CLDN10: variants seen among roughly 807,000 people sequenced by gnomAD.
The protein encoded by CLDN10 is claudin-10.
CLDN10 carries 15 observed loss-of-function variants against 22.9 expected under a neutral mutation model. The ratio of observed to expected loss-of-function variants is 0.65; its 90% CI spans 0.44 to 1.01. The LOEUF is 1.01. Among genes scored for constraint, CLDN10 ranks in the 50% least tolerant of loss-of-function variants. CLDN10 has a pLI of 0.00. For missense variants in CLDN10, 247 were observed against 287.8 expected, an observed-to-expected ratio of 0.86 and a Z score of 1.03; for synonymous variants, 114 against 111.4, an observed-to-expected ratio of 1.02 and a Z score of -0.15.
intron 1 of CLDN10, among the ~76,000 whole-genome samples, chr13:95,444,358 AG>A (rs2042352314): frequency 6.6e-6 from 1 of 152,230 alleles, no homozygotes; most frequent in Non-Finnish European, 1.5e-5. Context: ...AGCTTTTGCC[AG>A]ATTTTTGTGT....
chr13:95,470,841 A>G (rs1418276668), intron 1 of CLDN10, among the ~76,000 whole-genome samples: 1 of 152,180 alleles, frequency 6.6e-6, no homozygotes, highest in Non-Finnish European at 1.5e-5. Context: ...GTGAAAGAGA[A>G]GCAAGTGGAC....
At chr13:95,547,690 CTG>C in intron 1 of CLDN10, among the ~76,000 whole-genome samples, 1 of 152,278 alleles carries the variant, frequency 6.6e-6, no homozygotes, top group Non-Finnish European at 1.5e-5. Flanking sequence ...TCACATCTTT[CTG>C]ATTACATCAT....
chr13:95,479,008 A>C (rs17189726), intron 1 of CLDN10, among the ~76,000 whole-genome samples: 34,180 of 152,148 alleles, frequency 0.22, 4,197 homozygotes, highest in Non-Finnish European at 0.29. Context: ...TGCCTGTGAG[A>C]GCAATCATCA....
chr13:95,541,506 T>C (rs1048519300), intron 1 of CLDN10, among the ~76,000 whole-genome samples: 1 of 152,248 alleles, frequency 6.6e-6, no homozygotes, highest in African/African-American at 2.4e-5. Context: ...CTAGTTTTTT[T>C]CTGTTTCCCC....
chr13:95,464,461 A>G (rs2139093506), intron 1 of CLDN10, among the ~76,000 whole-genome samples: 1 of 152,280 alleles, frequency 6.6e-6, no homozygotes, highest in African/African-American at 2.4e-5. Context: ...ATAGTATTCC[A>G]TGGTGTATAT....
intron 1 of CLDN10, among the ~76,000 whole-genome samples, chr13:95,486,642 T>A (rs537597470): frequency 7.7e-4 from 117 of 152,262 alleles, no homozygotes; most frequent in African/African-American, 2.7e-3. Context: ...TCCCCTGGAA[T>A]TGGTAACCAG....
At chr13:95,524,515 C>G (rs970803412) in intron 1 of CLDN10, among the ~76,000 whole-genome samples, 3 of 152,096 alleles carry the variant, frequency 2.0e-5, no homozygotes, top group Non-Finnish European at 4.4e-5. Context: ...AAATGATATT[C>G]CATTGTATGG....
At chr13:95,441,813 A>G (rs1421456695) in intron 1 of CLDN10, among the ~76,000 whole-genome samples, 1 of 152,148 alleles carries the variant, frequency 6.6e-6, no homozygotes, top group Admixed American at 6.5e-5. Flanking sequence ...AAGGGTCTTA[A>G]TCCCTCTGAG....
At chr13:95,461,041 G>C (rs993003939) in intron 1 of CLDN10, among the ~76,000 whole-genome samples, 1 of 152,126 alleles carries the variant, frequency 6.6e-6, no homozygotes, top group East Asian at 1.9e-4. Flanking sequence ...GAATCAGGGA[G>C]GTGGAGGTTG....
At chr13:95,565,368 G>T (rs1202095247) in intron 3 of CLDN10, among the ~76,000 whole-genome samples, 2 of 152,142 alleles carry the variant, frequency 1.3e-5, no homozygotes, top group Non-Finnish European at 2.9e-5. Flanking sequence ...GATTGCTCTG[G>T]TTGAGGAAGT....
At chr13:95,577,849 G>T (rs1203498732) in intron 4 of CLDN10, 51 bp from the exon 5 acceptor site, 2 of 1,177,930 alleles carry the variant, frequency 1.7e-6, no homozygotes, top group Admixed American at 2.1e-5. Flanking sequence ...TCCCATTTTT[G>T]TTTGCCCTAT....
rs1033989998 is a variant in CLDN10, at chr13:95,510,813, T to A, written c.215-49319T>A. On this transcript the variant is annotated intron_variant, in intron 1 of 4. Transcript: ENST00000376873. ...ATATTGCTAGGAAATTAAGTGAAAA[T>A]TTGTTGGAGTGAGTCTCCAATGAAC... Among the ~76,000 whole-genome samples the A allele has an allele frequency of 2.0e-5, 3 of 152,116 alleles. No homozygotes were observed. In the South Asian group the frequency reaches 6.2e-4, roughly 32 times the overall value.
At chr13:95,536,815 T>A (rs1265303463) in intron 1 of CLDN10, among the ~76,000 whole-genome samples, 4 of 152,126 alleles carry the variant, frequency 2.6e-5, no homozygotes, top group Non-Finnish European at 5.9e-5. Flanking sequence ...AAAAAGTTCA[T>A]ATTGAAATGT....
Position 95,577,326 on chromosome 13 carries a change from A to G in CLDN10, c.560A>G (p.Asn187Ser). Residue 187 changes from asparagine (N) to serine (S), a missense_variant, in exon 4 of 5, where the codon AAC becomes AGC. Asn to Ser is a conservative substitution (Grantham distance 46). Coordinates refer to ENST00000299339, the MANE Select transcript of CLDN10 (RefSeq NM_006984.5). The part of the protein sequence containing the change: ...VIFCFSISDN[N>S]KTPRYTYNGA... ...TTTTGCTTTTCAATATCTGACAACA[A>G]CAAAACACCCAGGTATGAAAAAGAG... The G allele has an allele frequency of 1.2e-6, 2 of 1,609,558 alleles. No individual in the cohort carries two copies. The highest frequency in any genetic ancestry group is 8.5e-7 in the Non-Finnish European group (1 of 1,175,842).
chr13:95,505,708 G>A (rs369548335), intron 1 of CLDN10, among the ~76,000 whole-genome samples: 5 of 149,990 alleles, frequency 3.3e-5, no homozygotes, highest in African/African-American at 1.2e-4. Context: ...ACATAAAATA[G>A]ACACATTTGT....
At chr13:95,433,951 G>T (rs2042237912) in exon 1 of CLDN10, 1 of 1,614,122 alleles carries the variant, frequency 6.2e-7, no homozygotes, top group African/African-American at 1.3e-5. Flanking sequence ...GGTGATAACA[G>T]CCACTTGGGT....
intron 1 of CLDN10, among the ~76,000 whole-genome samples, chr13:95,473,014 C>T (rs2042650800): frequency 6.6e-6 from 1 of 151,918 alleles, no homozygotes; most frequent in Non-Finnish European, 1.5e-5. Flanking sequence ...GTGGCATGCA[C>T]CTGTGGTCCC....
At chr13:95,463,744 G>A (rs1022754728) in intron 1 of CLDN10, among the ~76,000 whole-genome samples, 1 of 152,006 alleles carries the variant, frequency 6.6e-6, no homozygotes, top group Non-Finnish European at 1.5e-5. Context: ...CCTCCACATG[G>A]ACAACATCAT....
chr13:95,550,536 T>A (rs1356444345), upstream of CLDN10, among the ~76,000 whole-genome samples: 1 of 152,234 alleles, frequency 6.6e-6, no homozygotes, highest in Admixed American at 6.5e-5. Context: ...AAATAAAGTA[T>A]TAAATTTGTG....
Sources: allele counts gnomAD v4.1 joint callset (sites outside exome capture counted in the v4.1 genomes callset), GRCh38; gene constraint gnomAD v4.1.1; transcripts MANE v1.5; gene names NCBI Gene and HGNC (gene_info 2026-07-23, HGNC 2026-07-21).